The following FREM2 variants were observed in gnomAD, a reference collection of about 807,000 sequenced individuals.
FREM2 encodes FRAS1 related extracellular matrix 2.
In FREM2, 119 loss-of-function variants were observed where a neutral mutation model predicts 219.9. The observed-to-expected ratio is 0.54, with a 90% CI of 0.47 to 0.63. The LOEUF is 0.63. FREM2 is among the 30% of genes least tolerant of loss of function. FREM2 has a pLI of 0.00. For missense variants in FREM2, 4,030 were observed against 3,993.6 expected, an observed-to-expected ratio of 1.01 and a Z score of -0.25; for synonymous variants, 1,562 against 1,522.8, an observed-to-expected ratio of 1.03 and a Z score of -0.60.
chr13:38,793,891 A>G (rs908811623), intron 6 of FREM2, among the ~76,000 whole-genome samples: 1 of 152,212 alleles, frequency 6.6e-6, no homozygotes, highest in Non-Finnish European at 1.5e-5. Context: ...CTGTTGGGTT[A>G]AGAGTGGTAC....
intron 17 of FREM2, 108 bp from the exon 18 acceptor site, chr13:38,874,374 C>T (rs1433927272): frequency 9.2e-5 from 77 of 840,132 alleles, no homozygotes; most frequent in Non-Finnish European, 1.2e-4. Flanking sequence ...ACCCTTTGCC[C>T]AGAATGTTTA....
chr13:38,687,103 G>C lies in FREM2; in HGVS notation c.-242G>C. 1 of 589,066 alleles carries C rather than the reference G, an allele frequency of 1.7e-6. No homozygotes were observed. Among genetic ancestry groups the C allele is most frequent in the Non-Finnish European group, 3.0e-6 (1 of 331,992 alleles). The allele number at this position is 589,066 out of a possible 1,614,324, so 36.5% of individuals were successfully genotyped here. Reference sequence around the variant, plus strand: ...GAAGTGGAGGGATTCAATTCTCCGCGCGATTGAGGCGCTAGCGGCGGAGCT... The same window carrying C: ...GAAGTGGAGGGATTCAATTCTCCGCCCGATTGAGGCGCTAGCGGCGGAGCT... On this transcript the variant is annotated 5_prime_UTR_variant, in exon 1 of 24. Transcript: ENST00000280481.
intron 6 of FREM2, among the ~76,000 whole-genome samples, chr13:38,839,414 A>G (rs1876853345): frequency 6.6e-6 from 1 of 152,172 alleles, no homozygotes; most frequent in Admixed American, 6.5e-5. Context: ...GCTAGGAGGT[A>G]TCTCCCCATC....
intron 16 of FREM2, among the ~76,000 whole-genome samples, chr13:38,867,899 C>T (rs1343492495): frequency 6.6e-6 from 1 of 152,194 alleles, no homozygotes; most frequent in Non-Finnish European, 1.5e-5. Flanking sequence ...GATGGGTCTT[C>T]CTTACTCAGT....
chr13:38,865,879 C>T (rs115340961), intron 16 of FREM2, among the ~76,000 whole-genome samples: 1,599 of 152,258 alleles, frequency 0.011, 28 homozygotes, highest in African/African-American at 0.037. Context: ...TACTTAAACA[C>T]GTATAAGTGT....
Position 38,784,729 on chromosome 13 carries a change from T to G in FREM2, c.5940T>G (p.Leu1980=). Residue 1980 remains leucine, a synonymous_variant, in exon 6 of 24, where the codon CTT becomes CTG. Coordinates refer to ENST00000280481, the MANE Select transcript of FREM2 (RefSeq NM_207361.6). ...LYEEEETFHV[L]LSMPMGGRIG... ...AGGAGGAGGAAACCTTCCATGTCCTTCTGAGCATGCCCATGGGGGGAAGAA... is the reference window on the plus strand; with the variant it reads ...AGGAGGAGGAAACCTTCCATGTCCTGCTGAGCATGCCCATGGGGGGAAGAA... The G allele has an allele frequency of 6.2e-7, 1 of 1,614,112 alleles. No homozygotes were observed. The highest frequency in any genetic ancestry group is 8.5e-7 in the Non-Finnish European group (1 of 1,179,992).
chr13:38,868,738 G>A (rs1457215244), intron 16 of FREM2, among the ~76,000 whole-genome samples: 1 of 152,216 alleles, frequency 6.6e-6, no homozygotes, highest in East Asian at 1.9e-4. Context: ...TTGAATGCAA[G>A]CATATTTCAT....
At chr13:38,878,351 G>C in intron 22 of FREM2, 30 bp downstream of exon 22, 4 of 1,562,674 alleles carry the variant, frequency 2.6e-6, no homozygotes, top group Non-Finnish European at 3.5e-6. Flanking sequence ...AAATGAGCTA[G>C]ATAGATTTTT....
rs527797296 is a variant in FREM2 at position 38,866,037 on chromosome 13, T to C, written c.7983+1431T>C. Among the ~76,000 whole-genome samples the C allele has an allele frequency of 4.6e-5, 7 of 152,344 alleles. No individual in the cohort carries two copies. In the East Asian group the frequency reaches 1.2e-3, roughly 25 times the overall value. On this transcript the variant is annotated intron_variant, in intron 16 of 23. Coordinates refer to ENST00000280481, the MANE Select transcript of FREM2 (RefSeq NM_207361.6). Reference sequence around the variant, plus strand: ...TATAGATCAGGTATCTCTACTTCCTTCATGTCTTCCTTACAAAGCTGCCTT... The same window carrying C: ...TATAGATCAGGTATCTCTACTTCCTCCATGTCTTCCTTACAAAGCTGCCTT...
chr13:38,707,063 A>G (rs1258266291), intron 2 of FREM2, among the ~76,000 whole-genome samples: 8 of 152,224 alleles, frequency 5.3e-5, no homozygotes, highest in Admixed American at 5.2e-4. Context: ...GTTTCAGAAC[A>G]GTTAGTGCAA....
intron 2 of FREM2, among the ~76,000 whole-genome samples, chr13:38,754,901 G>GATGATGATGATGATGATTATT (rs56270131): frequency 7.8e-6 from 1 of 128,648 alleles, no homozygotes; most frequent in Non-Finnish European, 1.6e-5. Flanking sequence ...TGATGATGAT[G>GATGATGATGATGATGATTATT]ATTATTATTA....
At chr13:38,760,239 G>A (rs1566131926) in intron 2 of FREM2, among the ~76,000 whole-genome samples, 1 of 152,168 alleles carries the variant, frequency 6.6e-6, no homozygotes, top group Non-Finnish European at 1.5e-5. Context: ...GTCTTACAAA[G>A]CAAAGCTTCT....
rs115185743 is a variant in FREM2, at chr13:38,730,770, A to G, written c.5263+32983A>G. ...AGACAAGACTCATTGCCTTCATTTT[A>G]TAAGTGAAAAATAAAATGAAACAGC... On this transcript the variant is annotated intron_variant, in intron 2 of 23. Transcript: ENST00000280481. Among the ~76,000 whole-genome samples the G allele has an allele frequency of 7.2e-3, 1,099 of 152,338 alleles. 10 individuals carry two copies. Among genetic ancestry groups the G allele is most frequent in the African/African-American group, 0.025 (1,032 of 41,570 alleles).
chr13:38,703,778 C>T (rs1054256719), intron 2 of FREM2, among the ~76,000 whole-genome samples: 3 of 151,918 alleles, frequency 2.0e-5, no homozygotes, highest in East Asian at 1.9e-4. Flanking sequence ...GCTTTAGTTC[C>T]GAGAACATTT....
chr13:38,867,737 G>A (rs1878022764), intron 16 of FREM2, among the ~76,000 whole-genome samples: 1 of 152,186 alleles, frequency 6.6e-6, no homozygotes, highest in Non-Finnish European at 1.5e-5. Flanking sequence ...GATATCCAAG[G>A]GCAGGAAAAG....
At chr13:38,779,542 C>T (rs894987777) in intron 4 of FREM2, 3 of 152,030 alleles carry the variant, frequency 2.0e-5, no homozygotes, top group Admixed American at 2.0e-4. Flanking sequence ...GTGAGGATGT[C>T]CCTAGCCACC....
intron 16 of FREM2, among the ~76,000 whole-genome samples, chr13:38,866,075 A>G (rs1322311723): frequency 6.6e-6 from 1 of 152,182 alleles, no homozygotes; most frequent in South Asian, 2.1e-4. Flanking sequence ...ATCCATTACT[A>G]AATTATTTCT....
intron 2 of FREM2, among the ~76,000 whole-genome samples, chr13:38,749,950 A>G (rs1872667861): frequency 6.6e-6 from 1 of 152,204 alleles, no homozygotes; most frequent in African/African-American, 2.4e-5. Flanking sequence ...GCAGCAAAAC[A>G]TAGTTTATCT....
intron 6 of FREM2, among the ~76,000 whole-genome samples, chr13:38,805,311 C>T (rs550185709): frequency 1.2e-4 from 18 of 151,610 alleles, no homozygotes; most frequent in Non-Finnish European, 2.2e-4. Context: ...ACTAGGACAT[C>T]ACAGAGGGAG....
Sources: gnomAD v4.1 joint callset for allele counts (sites outside exome capture counted in the v4.1 genomes callset) on GRCh38, gnomAD v4.1.1 for gene constraint, MANE v1.5 for transcripts, NCBI Gene and HGNC (gene_info 2026-07-23, HGNC 2026-07-21) for gene names.